Variants in ARHGAP26 observed in about 807,000 individuals in gnomAD.
ARHGAP26 encodes the protein rho GTPase-activating protein 26.
Under a neutral mutation model 104.8 loss-of-function variants are expected in ARHGAP26, and 38 were observed. The observed-to-expected ratio is 0.36, with a 90% CI of 0.28 to 0.48. ARHGAP26 has a LOEUF of 0.48. Ranked by LOEUF, ARHGAP26 falls within the 20% of genes least tolerant of loss-of-function variation. The probability of loss-of-function intolerance (pLI) is 0.99; values close to 1 mark genes in which losing one functional copy is unlikely to be tolerated. For synonymous variants in ARHGAP26, 341 were observed against 340.0 expected, an observed-to-expected ratio of 1.00 and a Z score of -0.03; for missense variants, 704 against 947.9, an observed-to-expected ratio of 0.74 and a Z score of 3.38.
chr5:143,078,359 T>C (rs1789336563), intron 17 of ARHGAP26, among the ~76,000 whole-genome samples: 1 of 152,214 alleles, frequency 6.6e-6, no homozygotes, highest in Admixed American at 6.5e-5. Context: ...GTCTCCTGTC[T>C]AACTCTAGTC....
chr5:142,998,990 T>C (rs1005660293), intron 11 of ARHGAP26, among the ~76,000 whole-genome samples: 2 of 152,194 alleles, frequency 1.3e-5, no homozygotes, highest in Non-Finnish European at 2.9e-5. Context: ...TCCTAATGTA[T>C]ATATGAAATT....
At chr5:143,083,206 G>A (rs563799804) in intron 17 of ARHGAP26, among the ~76,000 whole-genome samples, 1 of 152,096 alleles carries the variant, frequency 6.6e-6, no homozygotes, top group Non-Finnish European at 1.5e-5. Context: ...ATTAGGCCAC[G>A]GATCACTTCC....
intron 11 of ARHGAP26, among the ~76,000 whole-genome samples, chr5:142,991,661 GA>G (rs5871831): frequency 0.013 from 1,986 of 152,278 alleles, 28 homozygotes; most frequent in African/African-American, 0.034. Context: ...TTTAGATACA[GA>G]AATACTATTG....
At chr5:143,089,345 C>T (rs1448166292) in intron 17 of ARHGAP26, among the ~76,000 whole-genome samples, 3 of 152,168 alleles carry the variant, frequency 2.0e-5, no homozygotes, top group Admixed American at 1.3e-4. Flanking sequence ...ATTATGGCTG[C>T]GAGGGAAGTA....
chr5:142,837,011 A>G (rs1769708723), intron 1 of ARHGAP26, among the ~76,000 whole-genome samples: 1 of 152,188 alleles, frequency 6.6e-6, no homozygotes, highest in South Asian at 2.1e-4. Context: ...TGTGTCCTTC[A>G]GGCACCCTTT....
At chr5:142,803,768 C>T (rs1028373729) in intron 1 of ARHGAP26, among the ~76,000 whole-genome samples, 8 of 152,146 alleles carry the variant, frequency 5.3e-5, no homozygotes, top group South Asian at 4.1e-4. Flanking sequence ...GGTAGGAAGC[C>T]TTATCTGTGG....
chr5:142,957,100 G>T (rs1769377597), intron 11 of ARHGAP26, among the ~76,000 whole-genome samples: 2 of 152,168 alleles, frequency 1.3e-5, no homozygotes, highest in African/African-American at 4.8e-5. Context: ...ACTTAATGAA[G>T]AGAAAACACA....
intron 22 of ARHGAP26, among the ~76,000 whole-genome samples, chr5:143,215,940 G>C (rs367781243): frequency 6.6e-6 from 1 of 152,138 alleles, no homozygotes; most frequent in Admixed American, 6.5e-5. Context: ...TTGTGAGGGC[G>C]TAGGTTTCCA....
chr5:142,859,168 G>A (rs1752896843), intron 1 of ARHGAP26, among the ~76,000 whole-genome samples: 2 of 152,186 alleles, frequency 1.3e-5, no homozygotes, highest in African/African-American at 4.8e-5. Flanking sequence ...GGGCAGCTGA[G>A]TGACAAATGG....
At chr5:143,150,033 C>T (rs1181203874) in intron 20 of ARHGAP26, among the ~76,000 whole-genome samples, 3 of 152,114 alleles carry the variant, frequency 2.0e-5, no homozygotes, top group Admixed American at 6.5e-5. Context: ...CATCAGGGCC[C>T]TCTTATTTAC....
intron 18 of ARHGAP26, among the ~76,000 whole-genome samples, chr5:143,133,055 G>A (rs1797539694): frequency 6.6e-6 from 1 of 152,096 alleles, no homozygotes; most frequent in Non-Finnish European, 1.5e-5. Flanking sequence ...GCAATAAGTG[G>A]TGGCTACTAT....
intron 1 of ARHGAP26, among the ~76,000 whole-genome samples, chr5:142,824,316 G>A (rs1397125154): frequency 1.3e-5 from 2 of 152,186 alleles, no homozygotes; most frequent in Non-Finnish European, 2.9e-5. Flanking sequence ...ATCCCCAAGA[G>A]CTAAGCATGG....
intron 11 of ARHGAP26, among the ~76,000 whole-genome samples, chr5:142,960,971 A>G (rs1313582787): frequency 6.6e-6 from 1 of 152,168 alleles, no homozygotes; most frequent in East Asian, 1.9e-4. Flanking sequence ...TTTCCTGATT[A>G]CCTGATTTTA....
chr5:143,045,916 T>C (rs780264508), intron 14 of ARHGAP26, among the ~76,000 whole-genome samples: 26 of 152,198 alleles, frequency 1.7e-4, no homozygotes, highest in Admixed American at 5.9e-4. Flanking sequence ...AGCGATCACC[T>C]GAAGTCAGGA....
At chr5:142,792,806 A>G (rs997113012) in intron 1 of ARHGAP26, among the ~76,000 whole-genome samples, 3 of 152,166 alleles carry the variant, frequency 2.0e-5, no homozygotes, top group Non-Finnish European at 2.9e-5. Flanking sequence ...GATGTGCCCT[A>G]TGCCTTTTAT....
chr5:143,034,757 T>C (rs925769515), intron 12 of ARHGAP26, among the ~76,000 whole-genome samples: 1 of 152,062 alleles, frequency 6.6e-6, no homozygotes, highest in South Asian at 2.1e-4. Context: ...AAGAAAGCTG[T>C]TATTTAAAAA....
intron 18 of ARHGAP26, among the ~76,000 whole-genome samples, chr5:143,125,405 C>T (rs1796614103): frequency 6.6e-6 from 1 of 152,210 alleles, no homozygotes; most frequent in South Asian, 2.1e-4. Context: ...CTATATCTTC[C>T]TCCTGGGAGC....
chr5:142,969,291 G>T (rs1459944644), intron 11 of ARHGAP26: 1 of 152,118 alleles, frequency 6.6e-6, no homozygotes, highest in Non-Finnish European at 1.5e-5. Flanking sequence ...TTCTCCACTA[G>T]TATAAAAAAT....
rs1392219494 is a variant in ARHGAP26 at position 143,147,330 on chromosome 5, A to G, written c.1937A>G (p.Asn646Ser). The part of the protein sequence containing the change: ...NSSSSLQPNM[N>S]SSDPDLAVVK... ...AGCAGCAGCTTACAGCCCAACATGAACTCCAGTGACCCAGACCTGGCTGTG... is the reference window on the plus strand; with the variant it reads ...AGCAGCAGCTTACAGCCCAACATGAGCTCCAGTGACCCAGACCTGGCTGTG... Residue 646 changes from asparagine to serine, a missense_variant, in exon 20 of 23, where the codon AAC (asparagine) becomes AGC (serine). Asn to Ser is a conservative substitution (Grantham distance 46, BLOSUM62 1). Around this residue, in one of 6 missense-constraint regions of ARHGAP26, gnomAD observed 217 missense variants for 242.6 expected, o/e 0.89. Transcript: ENST00000645722. 2 of 1,613,540 alleles carry G rather than the reference A, an allele frequency of 1.2e-6. No homozygotes were observed. Among genetic ancestry groups the G allele is most frequent in the Non-Finnish European group, 8.5e-7 (1 of 1,179,874 alleles).
Sources: gnomAD v4.1 joint callset for allele counts (sites outside exome capture counted in the v4.1 genomes callset) on GRCh38, gnomAD v4.1.1 for gene constraint, gnomAD v4.1.1 regional missense constraint, MANE v1.5 for transcripts, NCBI Gene and HGNC (gene_info 2026-07-23, HGNC 2026-07-21) for gene names.